Variants in EPS8 observed in about 807,000 individuals in gnomAD.
EPS8 encodes the protein EGFR pathway substrate 8, signaling adaptor, also known as epidermal growth factor receptor kinase substrate 8.
EPS8 carries 42 observed loss-of-function variants against 103.8 expected under a neutral mutation model. That is an observed-to-expected ratio of 0.40 (90% CI 0.32 to 0.52). EPS8 has a LOEUF of 0.52. EPS8 is among the 20% of genes least tolerant of loss of function. The probability of loss-of-function intolerance (pLI) is 0.40; values close to 1 mark genes in which losing one functional copy is unlikely to be tolerated. For missense variants in EPS8, 969 were observed against 1,005.1 expected, an observed-to-expected ratio of 0.96 and a Z score of 0.49; for synonymous variants, 344 against 344.6, an observed-to-expected ratio of 1.00 and a Z score of 0.02.
chr12:15,782,557 G>C (rs1001205043), intron 1 of EPS8, among the ~76,000 whole-genome samples: 11 of 151,684 alleles, frequency 7.3e-5, no homozygotes, highest in Admixed American at 6.6e-4. Flanking sequence ...ACGTAGCCAG[G>C]ATAACAAAAA....
chr12:15,720,449 C>T (rs987249485), intron 1 of EPS8, among the ~76,000 whole-genome samples: 2 of 152,134 alleles, frequency 1.3e-5, no homozygotes. Context: ...TCATGCCCAA[C>T]AATAACTCTT....
chr12:15,705,841 G>T lies in EPS8; in HGVS notation c.-21-22869C>A, dbSNP rs181732767. 9.1e-4 allele frequency among the ~76,000 whole-genome samples: 138 copies of T among 152,092 alleles called. 1 individual carries two copies. Among genetic ancestry groups the T allele is most frequent in the Admixed American group, 9.0e-3 (138 of 15,272 alleles). On this transcript the variant is annotated intron_variant, in intron 1 of 20. Transcript: ENST00000281172. ...ACGGCTAGCCAATATTACCCTTTTC[G>T]TAAGGAAAAACAGACTTATGATATC...
In EPS8 at chr12:15,704,180, A is replaced by G. The variant is rs1334160782; in HGVS notation, c.-21-21208T>C. On this transcript the variant is annotated intron_variant, in intron 1 of 20. Coordinates refer to ENST00000281172, the MANE Select transcript of EPS8 (RefSeq NM_004447.6). This position sits in a 1 kb window ranked among gnomAD's most constrained non-coding sequence, Gnocchi z 4.6. ...TGGAAAACAGTATGGCAGCTCCTCA[A>G]AAAAATCAAGCATAGAATTACTATA... 1.3e-5 allele frequency among the ~76,000 whole-genome samples: 2 copies of G among 151,774 alleles called. No individual in the cohort carries two copies. The highest frequency in any genetic ancestry group is 3.0e-5 in the Non-Finnish European group (2 of 67,744).
In EPS8 at chr12:15,721,826, A is replaced by T. The variant is rs114911632; in HGVS notation, c.-21-38854T>A. The stretch of plus-strand genomic sequence containing the variant: ...ATTTTTATTATATATTATAAATATT[A>T]TTTCTGATCATAAAAGTAAATCCAT... On this transcript the variant is annotated intron_variant, in intron 1 of 20. Coordinates refer to ENST00000281172, the MANE Select transcript of EPS8 (RefSeq NM_004447.6). This position sits in a 1 kb window ranked among gnomAD's most constrained non-coding sequence, Gnocchi z 4.4. Among the ~76,000 whole-genome samples the T allele has an allele frequency of 8.4e-3, 1,280 of 151,834 alleles. 17 individuals carry two copies. The highest frequency in any genetic ancestry group is 0.029 in the African/African-American group (1,213 of 41,536).
intron 1 of EPS8, among the ~76,000 whole-genome samples, chr12:15,724,106 A>G (rs1285618892): frequency 2.0e-5 from 3 of 152,158 alleles, no homozygotes; most frequent in African/African-American, 7.2e-5. Flanking sequence ...CCTAAGGTTT[A>G]TGAACTTTCA....
Position 15,696,803 on chromosome 12 carries a change from A to C in EPS8, c.-21-13831T>G, listed in dbSNP as rs976467294. ...AATATTTGCCAGGAATTACATTCCT[A>C]AACTCGGGCATGTGGAATTAAAACC... On this transcript the variant is annotated intron_variant, in intron 1 of 20. Coordinates refer to ENST00000281172, the MANE Select transcript of EPS8 (RefSeq NM_004447.6). This position sits in a 1 kb window ranked among gnomAD's most constrained non-coding sequence, Gnocchi z 4.8. Among the ~76,000 whole-genome samples, 2 of 152,132 alleles carry C rather than the reference A, an allele frequency of 1.3e-5. No individual in the cohort carries two copies. The highest frequency in any genetic ancestry group is 2.9e-5 in the Non-Finnish European group (2 of 68,034).
chr12:15,658,082 A>G lies in EPS8; in HGVS notation c.1098T>C (p.Asn366=). 6.3e-7 allele frequency: 1 copy of G among 1,575,384 alleles called. No homozygotes were observed. The highest frequency in any genetic ancestry group is 8.7e-7 in the Non-Finnish European group (1 of 1,145,630). ...DLVHFLFTPL[N]MVVQATGGPE... ...TCTTAAACTAATAAAATCTCACCATATTTAATGGAGTAAACAAAAAGTGAA... is the reference window on the plus strand; with the variant it reads ...TCTTAAACTAATAAAATCTCACCATGTTTAATGGAGTAAACAAAAAGTGAA... Residue 366 remains asparagine, a synonymous_variant, in exon 12 of 21, where the codon AAT becomes AAC. Coordinates refer to ENST00000281172, the MANE Select transcript of EPS8 (RefSeq NM_004447.6).
intron 1 of EPS8, among the ~76,000 whole-genome samples, chr12:15,726,475 T>C (rs936342228): frequency 6.6e-6 from 1 of 151,866 alleles, no homozygotes; most frequent in African/African-American, 2.4e-5. Context: ...GAACAAAAGC[T>C]CTGTAGTGAT....
At position 15,662,707 on chromosome 12, in the gene EPS8, G is replaced by A. The variant is rs1945626789; in HGVS notation, c.737-608C>T. On this transcript the variant is annotated intron_variant, in intron 8 of 20. Coordinates refer to ENST00000281172, the MANE Select transcript of EPS8 (RefSeq NM_004447.6). ...TTCAGGGTATTAAGGTTGCTCAGTTGGCTACAGCATGATGTTAATCATGAA... is the reference window on the plus strand; with the variant it reads ...TTCAGGGTATTAAGGTTGCTCAGTTAGCTACAGCATGATGTTAATCATGAA... The A allele has an allele frequency of 6.8e-6, 6 of 888,004 alleles. No individual in the cohort carries two copies. In the South Asian group the frequency reaches 2.9e-4, roughly 43 times the overall value. 55.0% of individuals were successfully genotyped at this position (888,004 alleles called of 1,614,324 possible).
At chr12:15,726,106 C>T (rs765342309) in intron 1 of EPS8, among the ~76,000 whole-genome samples, 3 of 152,056 alleles carry the variant, frequency 2.0e-5, no homozygotes, top group Admixed American at 6.5e-5. Context: ...AGCAAAATGC[C>T]ACTTCTCCTC....
chr12:15,666,632 A>G, intron 6 of EPS8, 110 bp from the exon 7 acceptor site: 1 of 709,866 alleles, frequency 1.4e-6, no homozygotes, highest in South Asian at 1.9e-5. Flanking sequence ...AAGTATCTTG[A>G]TGTAAAAAGT....
At chr12:15,683,988 C>T (rs1007465024) in intron 1 of EPS8, 1 of 152,130 alleles carries the variant, frequency 6.6e-6, no homozygotes, top group Non-Finnish European at 1.5e-5. Flanking sequence ...TATTAAGTTT[C>T]AGGTCCTGTG....
rs1364743518 is a variant in EPS8, at chr12:15,631,655, T to C, written c.1831A>G (p.Met611Val). Residue 611 changes from methionine (M) to valine (V), a missense_variant, in exon 18 of 21, where the codon ATG becomes GTG. Physicochemically the swap from Met to Val is conservative, Grantham distance 21. Transcript: ENST00000281172. Reference sequence around the variant, plus strand: ...TCAGCTGGTCTTGGGCCATACTCCATCCTTTGTTTCTATAAAAAGACAAAT... The same window carrying C: ...TCAGCTGGTCTTGGGCCATACTCCACCCTTTGTTTCTATAAAAAGACAAAT... ...PYTHTIQKQRMEYGPRPADTP... is the reference protein window; with the variant it reads ...PYTHTIQKQRVEYGPRPADTP... 1.2e-6 allele frequency: 2 copies of C among 1,607,042 alleles called. No homozygotes were observed. Among genetic ancestry groups the C allele is most frequent in the Admixed American group, 1.7e-5 (1 of 58,846 alleles).
chr12:15,686,207 T>C (rs1469193000), intron 1 of EPS8, among the ~76,000 whole-genome samples: 1 of 152,218 alleles, frequency 6.6e-6, no homozygotes, highest in Non-Finnish European at 1.5e-5. Flanking sequence ...ATTTCATGAA[T>C]AGTGAACATA....
Position 15,751,630 on chromosome 12 carries a change from G to C in EPS8, c.-22+37531C>G, listed in dbSNP as rs541020106. Among the ~76,000 whole-genome samples, 1 of 152,086 alleles carries C rather than the reference G, an allele frequency of 6.6e-6. No individual in the cohort carries two copies. Among genetic ancestry groups the C allele is most frequent in the African/African-American group, 2.4e-5 (1 of 41,446 alleles). ...CTAGGGACATAGCAGTAAAAAAAGG[G>C]GGCAAGATTTTTTGCCTTTACAAAG... is the stretch of plus-strand genomic sequence containing the variant. On this transcript the variant is annotated intron_variant, in intron 1 of 20. Transcript: ENST00000281172. This position sits in a 1 kb window ranked among gnomAD's most constrained non-coding sequence, Gnocchi z 4.3.
intron 8 of EPS8, chr12:15,662,405 C>A: frequency 2.8e-6 from 3 of 1,071,524 alleles, no homozygotes; most frequent in African/African-American, 1.7e-5. Flanking sequence ...AACTTAGCAC[C>A]CTTTAATTCC....
chr12:15,760,871 T>C lies in EPS8; in HGVS notation c.-22+28290A>G, dbSNP rs1163760650. Among the ~76,000 whole-genome samples the C allele has an allele frequency of 6.6e-6, 1 of 152,076 alleles. No individual in the cohort carries two copies. The highest frequency in any genetic ancestry group is 6.6e-5 in the Admixed American group (1 of 15,254). On this transcript the variant is annotated intron_variant, in intron 1 of 20. Coordinates refer to ENST00000281172, the MANE Select transcript of EPS8 (RefSeq NM_004447.6). This position sits in a 1 kb window ranked among gnomAD's most constrained non-coding sequence, Gnocchi z 4.5. ...TTGAATGGGGAAAACCTGATAAGCC[T>C]TTCCTCTAAGATCTGGCACACAGGA...
intron 6 of EPS8, 33 bp from the exon 7 acceptor site, chr12:15,666,555 T>C (rs1176486652): frequency 2.7e-6 from 4 of 1,503,018 alleles, no homozygotes; most frequent in South Asian, 1.1e-5. Flanking sequence ...TGAAAGTTTA[T>C]GGATTTTTCT....
intron 1 of EPS8, among the ~76,000 whole-genome samples, chr12:15,740,477 G>A (rs1160261681): frequency 3.9e-5 from 6 of 151,922 alleles, no homozygotes; most frequent in Non-Finnish European, 7.4e-5. Flanking sequence ...CCCAGAAGGC[G>A]TAGGTTGCGG....
Sources: gnomAD v4.1 joint callset for allele counts (sites outside exome capture counted in the v4.1 genomes callset) on GRCh38, gnomAD v4.1.1 for gene constraint, Gnocchi (gnomAD v3.1) non-coding constraint, MANE v1.5 for transcripts, NCBI Gene and HGNC (gene_info 2026-07-23, HGNC 2026-07-21) for gene names.